The following BACH2 variants were observed in gnomAD, a reference collection of about 807,000 sequenced individuals.
BACH2 encodes the protein transcription regulator protein BACH2.
BACH2 carries 5 observed loss-of-function variants against 61.8 expected under a neutral mutation model. The ratio of observed to expected loss-of-function variants is 0.08; its 90% CI spans 0.04 to 0.17. BACH2 has a LOEUF of 0.17. BACH2 is among the 10% of genes least tolerant of loss of function. BACH2 has a pLI of 1.00. For missense variants in BACH2, 824 were observed against 1,091.1 expected (o/e 0.76, Z 3.45); for synonymous variants, 446 against 440.1 (o/e 1.01, Z -0.17).
intron 6 of BACH2, among the ~76,000 whole-genome samples, chr6:89,972,189 G>A (rs1022388539): frequency 1.3e-5 from 2 of 152,138 alleles, no homozygotes; most frequent in Non-Finnish European, 2.9e-5. Context: ...CGTGTCCGCC[G>A]CCGAGGCTGG....
At chr6:90,246,170 G>A (rs1012437251) in intron 3 of BACH2, among the ~76,000 whole-genome samples, 4 of 152,098 alleles carry the variant, frequency 2.6e-5, no homozygotes, top group African/African-American at 9.7e-5. Flanking sequence ...ATAAACTCTA[G>A]GATTCCAATT....
chr6:89,959,823 C>G (rs1414105077), intron 6 of BACH2, among the ~76,000 whole-genome samples: 1 of 152,186 alleles, frequency 6.6e-6, no homozygotes, highest in Non-Finnish European at 1.5e-5. Context: ...GCTGGGAGTT[C>G]AAAAACTCTT....
intron 5 of BACH2, among the ~76,000 whole-genome samples, chr6:90,022,827 A>G (rs1778446772): frequency 6.6e-6 from 1 of 152,196 alleles, no homozygotes; most frequent in African/African-American, 2.4e-5. Flanking sequence ...AGCAAAGTTG[A>G]AGATATGCAT....
chr6:90,077,502 T>C (rs1442145693), intron 5 of BACH2, among the ~76,000 whole-genome samples: 2 of 152,144 alleles, frequency 1.3e-5, no homozygotes, highest in African/African-American at 4.8e-5. Context: ...AGAGTTGACC[T>C]GAGAAATGTC....
At chr6:90,155,851 T>C (rs1430204603) in intron 4 of BACH2, among the ~76,000 whole-genome samples, 2 of 152,178 alleles carry the variant, frequency 1.3e-5, no homozygotes, top group African/African-American at 4.8e-5. Context: ...ATCCCATGCA[T>C]TGAGAACAAT....
intron 1 of BACH2, among the ~76,000 whole-genome samples, chr6:90,281,403 A>T (rs553399437): frequency 6.6e-6 from 1 of 152,346 alleles, no homozygotes; most frequent in Middle Eastern, 3.4e-3. Flanking sequence ...CAGTTTTTAA[A>T]AACAATTAAG....
At chr6:90,111,916 G>T (rs577621596) in intron 4 of BACH2, among the ~76,000 whole-genome samples, 1 of 152,202 alleles carries the variant, frequency 6.6e-6, no homozygotes, top group Non-Finnish European at 1.5e-5. Flanking sequence ...GGATGCTTCT[G>T]TGAGTGACAA....
In BACH2 at chr6:89,927,212, A is replaced by G. The variant is rs1029486431; in HGVS notation, c.*5196T>C. 5 of 152,764 alleles carry G rather than the reference A, an allele frequency of 3.3e-5. No individual in the cohort carries two copies. The highest frequency in any genetic ancestry group is 1.2e-4 in the African/African-American group (5 of 41,446). 9.5% of individuals were successfully genotyped at this position (152,764 alleles called of 1,614,324 possible). The stretch of plus-strand genomic sequence containing the variant: ...GTCTAACAAGCACCTGAAGCTCCCA[A>G]ATGCATATGGAATCTTCCTGATCAC... On this transcript the variant is annotated 3_prime_UTR_variant, in exon 9 of 9. Transcript: ENST00000257749.
intron 6 of BACH2, among the ~76,000 whole-genome samples, chr6:89,986,949 C>G (rs931999923): frequency 6.6e-6 from 1 of 152,164 alleles, no homozygotes; most frequent in African/African-American, 2.4e-5. Flanking sequence ...TAAAATTGAG[C>G]AATGAGTAGC....
chr6:90,066,079 G>A (rs1213296390), intron 5 of BACH2, among the ~76,000 whole-genome samples: 1 of 152,142 alleles, frequency 6.6e-6, no homozygotes, highest in Non-Finnish European at 1.5e-5. Flanking sequence ...CAGCAGACTG[G>A]GAGCCTCCTG....
At chr6:90,213,758 C>T (rs1769434431) in intron 3 of BACH2, among the ~76,000 whole-genome samples, 1 of 152,170 alleles carries the variant, frequency 6.6e-6, no homozygotes, top group Admixed American at 6.5e-5. Context: ...ATCCCGCTGC[C>T]TTACATACAT....
intron 5 of BACH2, among the ~76,000 whole-genome samples, chr6:90,079,862 A>AT (rs1781645299): frequency 6.6e-6 from 1 of 152,052 alleles, no homozygotes; most frequent in South Asian, 2.1e-4. Flanking sequence ...CTAACAAGGG[A>AT]TGCAAAGTGG....
chr6:90,187,976 T>C (rs1768419120), intron 4 of BACH2, among the ~76,000 whole-genome samples: 1 of 152,182 alleles, frequency 6.6e-6, no homozygotes, highest in Non-Finnish European at 1.5e-5. Context: ...CGGGTCTCAC[T>C]ATGCGGAAAA....
chr6:89,965,520 C>T (rs1191284971), intron 6 of BACH2, among the ~76,000 whole-genome samples: 2 of 152,216 alleles, frequency 1.3e-5, no homozygotes, highest in African/African-American at 4.8e-5. Context: ...TCTTCCTCCC[C>T]ACTCCATCAC....
At chr6:90,177,667 T>A (rs185158605) in intron 4 of BACH2, among the ~76,000 whole-genome samples, 39 of 152,272 alleles carry the variant, frequency 2.6e-4, no homozygotes, top group Non-Finnish European at 4.6e-4. Context: ...GTGAAGCTTA[T>A]GCAGAATGCT....
rs1166104506 is a variant in BACH2 at position 89,980,778 on chromosome 6, A to G, written c.243+27824T>C. On this transcript the variant is annotated intron_variant, in intron 6 of 8. Transcript: ENST00000257749. ...ACTTCTTATTTCTTAATATCATAGG[A>G]TTCTGAAATGTATTGGTTTCTTTCT... Among the ~76,000 whole-genome samples the G allele has an allele frequency of 2.0e-5, 3 of 152,124 alleles. No individual in the cohort carries two copies. In the South Asian group the frequency reaches 6.2e-4, roughly 32 times the overall value.
At chr6:90,168,816 AAATCTTGG>A (rs1381878659) in intron 4 of BACH2, among the ~76,000 whole-genome samples, 1 of 152,210 alleles carries the variant, frequency 6.6e-6, no homozygotes, top group East Asian at 1.9e-4. Context: ...GCATAACTTT[AAATCTTGG>A]AATCGCTGGA....
At chr6:89,962,150 T>G (rs1320915794) in intron 6 of BACH2, among the ~76,000 whole-genome samples, 1 of 152,158 alleles carries the variant, frequency 6.6e-6, no homozygotes, top group Non-Finnish European at 1.5e-5. Context: ...CCCTGAAAGA[T>G]TTTGACCATA....
chr6:90,096,566 T>C (rs560132094), intron 4 of BACH2, among the ~76,000 whole-genome samples: 6 of 152,356 alleles, frequency 3.9e-5, no homozygotes, highest in Non-Finnish European at 7.3e-5. Context: ...TGGCACAAAC[T>C]TGAATGAATG....
Sources: gnomAD v4.1 joint callset for allele counts (sites outside exome capture counted in the v4.1 genomes callset) on GRCh38, gnomAD v4.1.1 for gene constraint, MANE v1.5 for transcripts, NCBI Gene and HGNC (gene_info 2026-07-23, HGNC 2026-07-21) for gene names.